Variants in CCNB3 observed in about 807,000 individuals in gnomAD.
The protein encoded by CCNB3 is cyclin B3.
Under a neutral mutation model 68.0 loss-of-function variants are expected in CCNB3, and 12 were observed. The observed-to-expected ratio is 0.18, with a 90% CI of 0.11 to 0.29. CCNB3 has a LOEUF of 0.29. CCNB3 is among the 10% of genes least tolerant of loss of function. CCNB3 has a pLI of 1.00. For missense variants in CCNB3, 904 were observed against 993.1 expected (o/e 0.91, Z 1.21); for synonymous variants, 354 against 388.9 (o/e 0.91, Z 1.06).
rs1402364384 is a variant in CCNB3 at position 50,280,172 on chromosome X, AATAT to A, written c.-112-4362_-112-4359del. Reference sequence around the variant, plus strand: ...ATAGAATATATATAAATATATATAGAATATATATATAAATATATATAGAACATAT... The same window carrying A: ...ATAGAATATATATAAATATATATAGAATATATAAATATATATAGAACATAT... On this transcript the variant is annotated intron_variant, in intron 1 of 12. Coordinates refer to ENST00000376042, the MANE Select transcript of CCNB3 (RefSeq NM_033031.3). 1.6e-4 allele frequency among the ~76,000 whole-genome samples: 8 copies of A among 48,865 alleles called. No individual in the cohort carries two copies. The South Asian group carries it at 6.5e-3, about 40-fold the overall frequency. 42.4% of individuals were successfully genotyped at this position (48,865 alleles called of 115,157 possible).
Position 50,310,444 on chromosome X carries a change from G to A in CCNB3, c.2275G>A (p.Val759Met), listed in dbSNP as rs782311092. The A allele has an allele frequency of 8.3e-7, 1 of 1,210,814 alleles. No individual in the cohort carries two copies. Among genetic ancestry groups the A allele is most frequent in the South Asian group, 1.8e-5 (1 of 56,689 alleles). ...GAAGAAGTCCACTTCTCATGGAAAA[G>A]TGTTCTTCCTGAAGAAGCAGTTGGC... is the stretch of plus-strand genomic sequence containing the variant. Reference protein sequence around the residue: ...LKKKSTSHGKVFFLKKQLALN... With the variant: ...LKKKSTSHGKMFFLKKQLALN... The change falls in exon 6 of 13, where the codon GTG becomes ATG. Residue 759 changes from valine to methionine, a missense_variant. This residue lies in a region of CCNB3 where 619 missense variants were observed against 609.8 expected (regional missense o/e 1.02). Coordinates refer to ENST00000376042, the MANE Select transcript of CCNB3 (RefSeq NM_033031.3).
At chrX:50,227,738 T>A (rs1367814497) in intron 1 of CCNB3, among the ~76,000 whole-genome samples, 1 of 10,877 alleles carries the variant, frequency 9.2e-5, no homozygotes, top group East Asian at 2.6e-3. Context: ...ATAATATATA[T>A]AAATATGTAT....
chrX:50,317,330 A>C (rs1557215905), intron 8 of CCNB3, among the ~76,000 whole-genome samples: 1 of 111,282 alleles, frequency 9.0e-6, no homozygotes, highest in East Asian at 2.8e-4. Context: ...CCTTTGTTGG[A>C]TATGTGATTT....
At chrX:50,322,481 C>G (rs1219860396) in intron 8 of CCNB3, among the ~76,000 whole-genome samples, 4 of 111,308 alleles carry the variant, frequency 3.6e-5, no homozygotes, top group African/African-American at 6.5e-5. Flanking sequence ...AGAAGAAAAC[C>G]TAGGCAATAC....
chrX:50,348,210 G>T (rs1320176882), intron 11 of CCNB3, among the ~76,000 whole-genome samples: 1 of 111,367 alleles, frequency 9.0e-6, no homozygotes, highest in Non-Finnish European at 1.9e-5. Context: ...GCAACTGTCT[G>T]TGTCTACAAA....
intron 3 of CCNB3, among the ~76,000 whole-genome samples, chrX:50,286,662 T>C (rs1602200994): frequency 1.9e-5 from 2 of 104,938 alleles, no homozygotes; most frequent in African/African-American, 7.0e-5. Context: ...GTTTGTTTGT[T>C]TTTTTTGAGA....
chrX:50,333,628 A>G (rs1471304760), intron 8 of CCNB3, among the ~76,000 whole-genome samples: 2 of 110,315 alleles, frequency 1.8e-5, no homozygotes, highest in African/African-American at 6.6e-5. Context: ...TGGCACAGCT[A>G]CTCTCCCATC....
intron 1 of CCNB3, among the ~76,000 whole-genome samples, chrX:50,228,196 T>C (rs933468973): frequency 0.013 from 1,178 of 91,861 alleles, 19 homozygotes; most frequent in Non-Finnish European, 0.02. Flanking sequence ...ATAGAATACA[T>C]ATATAAATAC....
chrX:50,228,375 A>G (rs1402765333), intron 1 of CCNB3, among the ~76,000 whole-genome samples: 1 of 86,700 alleles, frequency 1.2e-5, no homozygotes, highest in Admixed American at 1.6e-4. Context: ...TACATAATAT[A>G]TAGAGGATAT....
intron 1 of CCNB3, among the ~76,000 whole-genome samples, chrX:50,211,252 G>T (rs2146975823): frequency 9.0e-6 from 1 of 111,376 alleles, no homozygotes; most frequent in Admixed American, 9.5e-5. Flanking sequence ...GACAGAGCAA[G>T]ACTCTGTCTC....
In CCNB3 at chrX:50,209,350, T is replaced by TTTTG. The variant is rs782210162; in HGVS notation, c.-113+4421_-113+4424dup. Among the ~76,000 whole-genome samples the TTTTG allele has an allele frequency of 1.4e-3, 150 of 110,651 alleles. 1 individual carries two copies. The highest frequency in any genetic ancestry group is 2.7e-3 in the African/African-American group (82 of 30,414). On this transcript the variant is annotated intron_variant, in intron 1 of 12. Coordinates refer to ENST00000376042, the MANE Select transcript of CCNB3 (RefSeq NM_033031.3). ...TTGTAGTGCCCAATACTGGATTGTT[T>TTTTG]TTTGTTTGTTTGTTTGTTTGTTTGA...
At chrX:50,328,955 C>T (rs1311493831) in intron 8 of CCNB3, among the ~76,000 whole-genome samples, 2 of 112,672 alleles carry the variant, frequency 1.8e-5, no homozygotes, top group Non-Finnish European at 3.8e-5. Flanking sequence ...AAAGTCATTA[C>T]ATCTTGAAGC....
At chrX:50,214,121 C>T (rs1365552235) in intron 1 of CCNB3, among the ~76,000 whole-genome samples, 2,926 of 110,349 alleles carry the variant, frequency 0.027, 92 homozygotes, top group African/African-American at 0.091. Context: ...CTGTTAACTA[C>T]AGGCACTCTG....
In CCNB3 at chrX:50,310,650, T is replaced by C. The variant is rs201069446; in HGVS notation, c.2481T>C (p.Phe827=). The C allele has an allele frequency of 7.4e-6, 9 of 1,209,811 alleles. No individual in the cohort carries two copies. The highest frequency in any genetic ancestry group is 8.9e-6 in the Non-Finnish European group (8 of 894,839). The change falls in exon 6 of 13, where the codon TTT becomes TTC. Residue 827 remains phenylalanine, a synonymous_variant. Transcript: ENST00000376042. ...CCACTATTGACACAGAAGCTCACTT[T>C]AAGGAACCTTTGGCCTTGCAGGAGG... ...KEPTIDTEAH[F]KEPLALQEEP... is the part of the protein sequence containing the mutation.
intron 6 of CCNB3, 94 bp from the exon 7 acceptor site, chrX:50,312,443 A>G: frequency 1.4e-6 from 1 of 710,205 alleles, no homozygotes; most frequent in Non-Finnish European, 2.2e-6. Flanking sequence ...GCAGAAGAAG[A>G]CAGTGGGGAG....
intron 1 of CCNB3, among the ~76,000 whole-genome samples, chrX:50,279,306 T>A (rs1304451559): frequency 0.015 from 1,044 of 71,066 alleles, 5 homozygotes; most frequent in Non-Finnish European, 0.02. Flanking sequence ...ATATGAATAT[T>A]TATATTTAAT....
At chrX:50,305,778 T>C (rs1394813664) in intron 5 of CCNB3, among the ~76,000 whole-genome samples, 1 of 2,458 alleles carries the variant, frequency 4.1e-4, no homozygotes, top group African/African-American at 5.0e-4. Context: ...CTTTCTTTCT[T>C]TTTTTTTTTT....
At chrX:50,287,698 C>T (rs1557209529) in intron 3 of CCNB3, among the ~76,000 whole-genome samples, 2 of 109,313 alleles carry the variant, frequency 1.8e-5, no homozygotes, top group Non-Finnish European at 3.8e-5. Flanking sequence ...GTCCCCAACC[C>T]CTGGGCCATG....
chrX:50,345,678 G>A (rs140881925), intron 9 of CCNB3, among the ~76,000 whole-genome samples: 2 of 111,797 alleles, frequency 1.8e-5, no homozygotes, highest in Non-Finnish European at 3.8e-5. Flanking sequence ...TCCTCTCACA[G>A]GATTAAGAAG....
Sources: allele counts gnomAD v4.1 joint callset (sites outside exome capture counted in the v4.1 genomes callset), GRCh38; gene constraint gnomAD v4.1.1; regional missense constraint gnomAD v4.1.1; transcripts MANE v1.5; gene names NCBI Gene and HGNC (gene_info 2026-07-23, HGNC 2026-07-21).